Variants in HKDC1 observed in about 807,000 individuals in gnomAD.
The protein encoded by HKDC1 is hexokinase HKDC1.
Under a neutral mutation model 96.6 loss-of-function variants are expected in HKDC1, and 66 were observed. That is an observed-to-expected ratio of 0.68 (90% confidence interval 0.56 to 0.84). The LOEUF (loss-of-function observed/expected upper bound fraction) is 0.84, where lower values mean the gene tolerates loss of function less well. HKDC1 is among the 40% of genes least tolerant of loss of function. HKDC1 has a pLI of 0.00. For missense variants in HKDC1, 1,211 were observed against 1,208.1 expected, an observed-to-expected ratio of 1.00 and a Z score of -0.04; for synonymous variants, 466 against 473.1, an observed-to-expected ratio of 0.98 and a Z score of 0.20.
chr10:69,229,613 G>A (rs1028708016), intron 2 of HKDC1, among the ~76,000 whole-genome samples: 18 of 152,162 alleles, frequency 1.2e-4, no homozygotes, highest in African/African-American at 4.1e-4. Context: ...AAGGGAAGGT[G>A]GCCTTTGATG....
chr10:69,254,936 G>A (rs1843696219), intron 12 of HKDC1, among the ~76,000 whole-genome samples: 1 of 152,214 alleles, frequency 6.6e-6, no homozygotes, highest in Non-Finnish European at 1.5e-5. Context: ...CAGATTGGGA[G>A]GATGGGAGTT....
chr10:69,227,492 TC>T (rs1843179189), intron 2 of HKDC1, 123 bp downstream of exon 2: 2 of 962,014 alleles, frequency 2.1e-6, no homozygotes, highest in Non-Finnish European at 3.0e-6. Flanking sequence ...TGTCCCACCC[TC>T]CCTGCCCCTC....
In HKDC1 at chr10:69,233,069, AGCATAAG is replaced by A. The variant is rs778242736; in HGVS notation, c.432_438del (p.His145AsnfsTer6). ...GATTTCATGAAGACCAAAGATTTAA[AGCATAAG>A]AAATTGCCCCTTGGCCTAACTTTTT... On this transcript the variant is annotated frameshift_variant, in exon 4 of 18. Coordinates refer to ENST00000354624, the MANE Select transcript of HKDC1 (RefSeq NM_025130.4). LOFTEE classifies it high-confidence loss of function. The A allele has an allele frequency of 9.3e-6, 15 of 1,614,212 alleles. No individual in the cohort carries two copies. The East Asian group carries it at 3.3e-4, about 36-fold the overall frequency.
chr10:69,247,394 C>T lies in HKDC1; in HGVS notation c.1066C>T (p.Leu356=). The T allele has an allele frequency of 2.5e-6, 4 of 1,614,080 alleles. No individual in the cohort carries two copies. Among genetic ancestry groups the T allele is most frequent in the Non-Finnish European group, 3.4e-6 (4 of 1,179,978 alleles). ...KEGLANTREI[L]VDLGLEPSEA... is the part of the protein sequence containing the mutation. Reference sequence around the variant, plus strand: ...AGGCCTTGCTAATACAAGAGAGATCCTGGTGGACCTGGGTCTGGAACCGTC... The same window carrying T: ...AGGCCTTGCTAATACAAGAGAGATCTTGGTGGACCTGGGTCTGGAACCGTC... Residue 356 remains leucine, a synonymous_variant, in exon 9 of 18, where the codon CTG becomes TTG. Transcript: ENST00000354624.
In HKDC1 at chr10:69,250,397, G is replaced by T. The variant is rs150227380; in HGVS notation, c.1678G>T (p.Ala560Ser). 14 of 1,613,866 alleles carry T rather than the reference G, an allele frequency of 8.7e-6. No homozygotes were observed. The African/African-American group carries it at 1.7e-4, about 20-fold the overall frequency. ...RSVRMYNKIF[A>S]IPLEIMQGTG... The stretch of plus-strand genomic sequence containing the variant: ...AGTGCGAATGTACAACAAGATCTTC[G>T]CCATCCCCCTGGAGATCATGCAGGG... The change falls in exon 11 of 18, where the codon GCC becomes TCC. Residue 560 changes from alanine (A) to serine (S), a missense_variant. Transcript: ENST00000354624.
chr10:69,253,651 C>T (rs1843678335), intron 12 of HKDC1, among the ~76,000 whole-genome samples: 1 of 152,182 alleles, frequency 6.6e-6, no homozygotes, highest in Non-Finnish European at 1.5e-5. Context: ...TAGCACCTGG[C>T]AGGCACTCAA....
intron 4 of HKDC1, among the ~76,000 whole-genome samples, chr10:69,237,827 G>A (rs992378693): frequency 6.6e-5 from 10 of 152,210 alleles, no homozygotes; most frequent in African/African-American, 2.2e-4. Flanking sequence ...ATTCGGCTTG[G>A]GCTCTATCCT....
chr10:69,264,089 C>T (rs1484281428), intron 16 of HKDC1, among the ~76,000 whole-genome samples: 1 of 151,968 alleles, frequency 6.6e-6, no homozygotes, highest in Admixed American at 6.6e-5. Flanking sequence ...ACCCAGGAAG[C>T]GGGTGAGCCG....
At chr10:69,232,095 G>A (rs7073527) in intron 2 of HKDC1, among the ~76,000 whole-genome samples, 71,019 of 151,802 alleles carry the variant, frequency 0.47, 17,037 homozygotes, top group East Asian at 0.76. Flanking sequence ...TGCCCGTCTC[G>A]GCCTCCCAAA....
Position 69,248,724 on chromosome 10 carries a change from C to T in HKDC1, c.1566C>T (p.Gly522=). 1 of 1,601,148 alleles carries T rather than the reference C, an allele frequency of 6.2e-7. No homozygotes were observed. The highest frequency in any genetic ancestry group is 2.2e-5 in the East Asian group (1 of 44,648). The change falls in exon 10 of 18, where the codon GGC becomes GGT. Residue 522 remains glycine (G), a synonymous_variant. Transcript: ENST00000354624. ...CCTACGTCTGCGGGCTGCCGGACGGCACAGGTGGGCCAGCACAGCCTCCCT... is the reference window on the plus strand; with the variant it reads ...CCTACGTCTGCGGGCTGCCGGACGGTACAGGTGGGCCAGCACAGCCTCCCT... ...LPTYVCGLPD[G]TEKGKFLALD... is the part of the protein sequence containing the mutation.
intron 12 of HKDC1, among the ~76,000 whole-genome samples, chr10:69,253,728 G>A (rs984560059): frequency 6.6e-6 from 1 of 152,156 alleles, no homozygotes; most frequent in East Asian, 1.9e-4. Flanking sequence ...AAGGCCAAGA[G>A]GAATCCAGTG....
At chr10:69,226,838 C>CT (rs1328682885) in intron 1 of HKDC1, among the ~76,000 whole-genome samples, 1 of 152,122 alleles carries the variant, frequency 6.6e-6, no homozygotes, top group East Asian at 1.9e-4. Flanking sequence ...TCTAGCTGGC[C>CT]TTTTTTGGTG....
At chr10:69,244,364 A>G (rs1191100157) in intron 7 of HKDC1, among the ~76,000 whole-genome samples, 1 of 152,146 alleles carries the variant, frequency 6.6e-6, no homozygotes, top group Admixed American at 6.6e-5. Flanking sequence ...AGCGATTCAA[A>G]CACTAGAACT....
intron 16 of HKDC1, 130 bp downstream of exon 16, chr10:69,261,424 G>C (rs1564737741): frequency 1.3e-6 from 1 of 779,480 alleles, no homozygotes; most frequent in African/African-American, 1.7e-5. Flanking sequence ...GCCTCCTGGG[G>C]CTGCTCTTCT....
rs762808468 is a variant in HKDC1, at chr10:69,246,181, T to C, written c.978T>C (p.Ser326=). The change falls in exon 8 of 18, where the codon TCT becomes TCC. Residue 326 remains serine (S), a synonymous_variant. Coordinates refer to ENST00000354624, the MANE Select transcript of HKDC1 (RefSeq NM_025130.4). ...AGLLFGGEKS[S]ALHTKGKIET... The stretch of plus-strand genomic sequence containing the variant: ...TCCTGTTTGGTGGTGAGAAATCTTC[T>C]GCTCTCCACACTAAGGGCAAGATCG... 2.5e-6 allele frequency: 4 copies of C among 1,614,124 alleles called. No homozygotes were observed. Among genetic ancestry groups the C allele is most frequent in the African/African-American group, 1.3e-5 (1 of 74,950 alleles).
intron 16 of HKDC1, among the ~76,000 whole-genome samples, chr10:69,264,377 C>CT (rs577342194): frequency 0.06 from 8,483 of 141,992 alleles, 346 homozygotes; most frequent in South Asian, 0.13. Context: ...GCAAACTCAT[C>CT]TTTTTTTTTT....
rs571723140 is a variant in HKDC1 at position 69,263,711 on chromosome 10, A to G, written c.2373-1874A>G. On this transcript the variant is annotated intron_variant, in intron 16 of 17. Coordinates refer to ENST00000354624, the MANE Select transcript of HKDC1 (RefSeq NM_025130.4). ...CTTAACCCCCAGGATTGCTCTGAGG[A>G]TCAGGAAGGGAATGTACTTGAACTA... 2.4e-4 allele frequency among the ~76,000 whole-genome samples: 37 copies of G among 152,342 alleles called. No homozygotes were observed. In the East Asian group the frequency reaches 6.7e-3, roughly 28 times the overall value.
At chr10:69,235,336 CACT>C in intron 4 of HKDC1, among the ~76,000 whole-genome samples, 1 of 150,938 alleles carries the variant, frequency 6.6e-6, no homozygotes, top group Non-Finnish European at 1.5e-5. Context: ...GCAGGAGAAT[CACT>C]TGAACCCACA....
At chr10:69,231,495 C>G (rs145671606) in intron 2 of HKDC1, among the ~76,000 whole-genome samples, 61 of 152,230 alleles carry the variant, frequency 4.0e-4, no homozygotes, top group Non-Finnish European at 6.9e-4. Flanking sequence ...CCCCCGCTCC[C>G]GGCAGCCTGG....
Sources: gnomAD v4.1 joint callset for allele counts (sites outside exome capture counted in the v4.1 genomes callset) on GRCh38, gnomAD v4.1.1 for gene constraint, MANE v1.5 for transcripts, NCBI Gene and HGNC (gene_info 2026-07-23, HGNC 2026-07-21) for gene names.